Variants in TADA2A observed in about 807,000 individuals in gnomAD.
The protein encoded by TADA2A is transcriptional adaptor 2A.
TADA2A carries 38 observed loss-of-function variants against 67.4 expected under a neutral mutation model. The ratio of observed to expected loss-of-function variants is 0.56; its 90% CI spans 0.44 to 0.74. The LOEUF is 0.74. Ranked by LOEUF, TADA2A falls within the 30% of genes least tolerant of loss-of-function variation. TADA2A has a pLI of 0.00. For synonymous variants in TADA2A, 192 were observed against 181.6 expected, an observed-to-expected ratio of 1.06 and a Z score of -0.46; for missense variants, 454 against 547.0, an observed-to-expected ratio of 0.83 and a Z score of 1.70.
intron 8 of TADA2A, among the ~76,000 whole-genome samples, chr17:37,448,446 CAT>C (rs2053142151): frequency 6.6e-6 from 1 of 152,112 alleles, no homozygotes; most frequent in Non-Finnish European, 1.5e-5. Flanking sequence ...GGTACTTACT[CAT>C]ATTTTATTGA....
intron 15 of TADA2A, among the ~76,000 whole-genome samples, chr17:37,476,345 T>A (rs1284610806): frequency 6.6e-6 from 1 of 152,208 alleles, no homozygotes; most frequent in African/African-American, 2.4e-5. Flanking sequence ...AAGCAGGGAC[T>A]ACTGCTTTAT....
At chr17:37,453,586 G>A (rs528908302) in intron 8 of TADA2A, among the ~76,000 whole-genome samples, 1 of 152,198 alleles carries the variant, frequency 6.6e-6, no homozygotes, top group South Asian at 2.1e-4. Flanking sequence ...AAAACTTACT[G>A]TAGTAGAACA....
At chr17:37,472,060 C>T (rs17623349) in intron 14 of TADA2A, among the ~76,000 whole-genome samples, 2,290 of 150,842 alleles carry the variant, frequency 0.015, 18 homozygotes, top group Non-Finnish European at 0.025. Context: ...CAGATTTGTC[C>T]GCGTTAGGGA....
At chr17:37,465,626 T>C in intron 11 of TADA2A, 85 bp downstream of exon 11, 1 of 1,562,136 alleles carries the variant, frequency 6.4e-7, no homozygotes. Context: ...TATGTGAAGT[T>C]CTATAAATAA....
chr17:37,452,304 G>A (rs2053256291), intron 8 of TADA2A, among the ~76,000 whole-genome samples: 1 of 152,058 alleles, frequency 6.6e-6, no homozygotes, highest in Non-Finnish European at 1.5e-5. Context: ...TTGGGAGGCT[G>A]AGGCAGGAGA....
At chr17:37,447,705 T>C (rs1257849381) in intron 8 of TADA2A, among the ~76,000 whole-genome samples, 1 of 152,220 alleles carries the variant, frequency 6.6e-6, no homozygotes, top group African/African-American at 2.4e-5. Flanking sequence ...GTATTTTGTT[T>C]ACAGCTCTGA....
chr17:37,423,691 T>A, intron 3 of TADA2A, 76 bp downstream of exon 3: 1 of 1,082,568 alleles, frequency 9.2e-7, no homozygotes, highest in Non-Finnish European at 1.4e-6. Context: ...GAGATTACTG[T>A]CAACTGCTAA....
At chr17:37,417,371 G>A (rs1019409974) in intron 2 of TADA2A, among the ~76,000 whole-genome samples, 7 of 148,586 alleles carry the variant, frequency 4.7e-5, no homozygotes, top group Non-Finnish European at 6.0e-5. Context: ...GCAAGACTCC[G>A]TCTCAAAAAA....
At chr17:37,412,551 C>T (rs141639791) in intron 2 of TADA2A, among the ~76,000 whole-genome samples, 49 of 152,114 alleles carry the variant, frequency 3.2e-4, no homozygotes, top group African/African-American at 1.1e-3. Context: ...TTTGGGAGGT[C>T]GAGGTGGGTG....
At chr17:37,446,648 C>G (rs1394962069) in intron 8 of TADA2A, among the ~76,000 whole-genome samples, 2 of 151,100 alleles carry the variant, frequency 1.3e-5, no homozygotes, top group African/African-American at 4.9e-5. Context: ...TATTGTTTTT[C>G]CTCCTCCTCC....
In TADA2A at chr17:37,470,533, G is replaced by A. The variant is rs1296259625; in HGVS notation, c.1028+1G>A. ...AGTGGCTCCGCCGGCAAGCTGACATGTGAGTAATTACTCCAGGGTGAAGGA... is the reference window on the plus strand; with the variant it reads ...AGTGGCTCCGCCGGCAAGCTGACATATGAGTAATTACTCCAGGGTGAAGGA... On this transcript the variant is annotated splice_donor_variant, in intron 13 of 15. Transcript: ENST00000615182. LOFTEE classifies it high-confidence loss of function. The A allele has an allele frequency of 2.6e-6, 4 of 1,556,132 alleles. 1 individual carries two copies. Among genetic ancestry groups the A allele is most frequent in the Non-Finnish European group, 3.5e-6 (4 of 1,154,970 alleles).
At chr17:37,409,982 A>G (rs529525406) in intron 1 of TADA2A, among the ~76,000 whole-genome samples, 3 of 152,142 alleles carry the variant, frequency 2.0e-5, no homozygotes, top group Non-Finnish European at 4.4e-5. Flanking sequence ...CCTGGCCAAC[A>G]TGGTGAAACC....
At chr17:37,446,881 C>T (rs1440518734) in intron 8 of TADA2A, among the ~76,000 whole-genome samples, 1 of 152,114 alleles carries the variant, frequency 6.6e-6, no homozygotes, top group Non-Finnish European at 1.5e-5. Context: ...CCTTCTGGTT[C>T]ACTTGGGGTC....
At chr17:37,444,097 C>T (rs554746529) in intron 7 of TADA2A, among the ~76,000 whole-genome samples, 3 of 151,744 alleles carry the variant, frequency 2.0e-5, no homozygotes, top group East Asian at 1.9e-4. Context: ...AAAAAAAACC[C>T]GAAACCAAAA....
intron 2 of TADA2A, among the ~76,000 whole-genome samples, chr17:37,415,094 C>G (rs1023484908): frequency 6.6e-6 from 1 of 150,504 alleles, no homozygotes; most frequent in African/African-American, 2.5e-5. Flanking sequence ...GTTGGCCAGG[C>G]TGGTCTTGAA....
chr17:37,436,013 G>A (rs1476718437), intron 4 of TADA2A, among the ~76,000 whole-genome samples: 2 of 151,806 alleles, frequency 1.3e-5, no homozygotes, highest in African/African-American at 2.4e-5. Flanking sequence ...ACCATGCCTG[G>A]CCAACTACGA....
chr17:37,414,611 T>C (rs997548794), intron 2 of TADA2A, among the ~76,000 whole-genome samples: 1 of 152,232 alleles, frequency 6.6e-6, no homozygotes, highest in Non-Finnish European at 1.5e-5. Context: ...CATACACACA[T>C]GCACATTTAC....
chr17:37,447,180 G>A (rs1204812940), intron 8 of TADA2A, among the ~76,000 whole-genome samples: 2 of 151,430 alleles, frequency 1.3e-5, no homozygotes, highest in East Asian at 3.9e-4. Flanking sequence ...TATTTTTTTT[G>A]TGACAGACTC....
At chr17:37,466,867 T>C (rs1210677220) in intron 11 of TADA2A, among the ~76,000 whole-genome samples, 1 of 152,118 alleles carries the variant, frequency 6.6e-6, no homozygotes, top group Admixed American at 6.6e-5. Context: ...TTAAAAAAAT[T>C]ATATTTTGCC....
Sources: allele counts gnomAD v4.1 joint callset (sites outside exome capture counted in the v4.1 genomes callset), GRCh38; gene constraint gnomAD v4.1.1; transcripts MANE v1.5; gene names NCBI Gene and HGNC (gene_info 2026-07-23, HGNC 2026-07-21).